Variants in CSMD3 observed in about 807,000 individuals in gnomAD.
CSMD3 encodes CUB and Sushi multiple domains 3.
CSMD3 carries 177 observed loss-of-function variants against 435.2 expected under a neutral mutation model. The ratio of observed to expected loss-of-function variants is 0.41; its 90% CI spans 0.36 to 0.46. The LOEUF is 0.46. CSMD3 is among the 20% of genes least tolerant of loss of function. The pLI is 0.34. For synonymous variants in CSMD3, 1,656 were observed against 1,520.5 expected, an observed-to-expected ratio of 1.09 and a Z score of -2.07; for missense variants, 4,265 against 4,504.6, an observed-to-expected ratio of 0.95 and a Z score of 1.52.
At chr8:112,825,649 C>T (rs546820292) in intron 12 of CSMD3, among the ~76,000 whole-genome samples, 1 of 152,138 alleles carries the variant, frequency 6.6e-6, no homozygotes, top group African/African-American at 2.4e-5. Context: ...CTGGTTCACT[C>T]CGGCACCTGG....
intron 22 of CSMD3, among the ~76,000 whole-genome samples, chr8:112,596,176 C>A (rs1219055684): frequency 6.6e-6 from 1 of 151,182 alleles, no homozygotes; most frequent in African/African-American, 2.4e-5. Flanking sequence ...GGAAGATCTA[C>A]CAAGCAATTG....
intron 4 of CSMD3, among the ~76,000 whole-genome samples, chr8:113,104,424 G>A (rs1442273145): frequency 2.6e-5 from 4 of 152,014 alleles, no homozygotes; most frequent in Non-Finnish European, 2.9e-5. Context: ...ATATTACACT[G>A]TCATTAATTA....
At chr8:112,357,035 T>C (rs1826687576) in intron 38 of CSMD3, among the ~76,000 whole-genome samples, 1 of 151,960 alleles carries the variant, frequency 6.6e-6, no homozygotes, top group African/African-American at 2.4e-5. Flanking sequence ...CTGACAGAAG[T>C]TGGAACAGTT....
intron 25 of CSMD3, 46 bp from the exon 26 acceptor site, chr8:112,552,766 T>C (rs1325244926): frequency 6.4e-7 from 1 of 1,570,412 alleles, no homozygotes; most frequent in South Asian, 1.1e-5. Context: ...AATGCCAATC[T>C]TTTCAAAACA....
chr8:112,573,721 T>G (rs1586713678), intron 23 of CSMD3, 64 bp from the exon 24 acceptor site: 1 of 1,285,466 alleles, frequency 7.8e-7, no homozygotes, highest in East Asian at 2.5e-5. Context: ...GAGCATGTAT[T>G]TGTATCTATG....
At chr8:112,470,854 T>A (rs1341176884) in intron 32 of CSMD3, among the ~76,000 whole-genome samples, 1 of 151,942 alleles carries the variant, frequency 6.6e-6, no homozygotes, top group Non-Finnish European at 1.5e-5. Context: ...ATAAAATTAG[T>A]TTTTTACTAA....
intron 10 of CSMD3, among the ~76,000 whole-genome samples, chr8:112,886,043 C>T (rs901657500): frequency 6.6e-6 from 1 of 151,606 alleles, no homozygotes; most frequent in Non-Finnish European, 1.5e-5. Flanking sequence ...AGTAAATATT[C>T]TATATTACCC....
intron 13 of CSMD3, among the ~76,000 whole-genome samples, chr8:112,752,998 T>A (rs1207568979): frequency 6.6e-6 from 1 of 151,892 alleles, no homozygotes; most frequent in Non-Finnish European, 1.5e-5. Flanking sequence ...CAGTCATGGC[T>A]CACTGTAACC....
intron 40 of CSMD3, among the ~76,000 whole-genome samples, chr8:112,347,317 T>C (rs910002477): frequency 1.3e-5 from 2 of 152,200 alleles, no homozygotes; most frequent in Non-Finnish European, 2.9e-5. Flanking sequence ...TATCATTTTA[T>C]TGTTAGATGA....
chr8:112,469,051 C>T (rs190965381), intron 32 of CSMD3, among the ~76,000 whole-genome samples: 10 of 148,572 alleles, frequency 6.7e-5, no homozygotes, highest in African/African-American at 2.2e-4. Flanking sequence ...ACCAGTAAAG[C>T]GAAGTAATAT....
intron 8 of CSMD3, among the ~76,000 whole-genome samples, chr8:112,948,110 TG>T (rs201821295): frequency 1.2e-4 from 3 of 24,054 alleles, no homozygotes; most frequent in Non-Finnish European, 1.7e-4. Flanking sequence ...GTATTAGTCT[TG>T]CCTATTAACA....
At chr8:113,121,575 C>T (rs1167557985) in intron 4 of CSMD3, among the ~76,000 whole-genome samples, 1 of 152,016 alleles carries the variant, frequency 6.6e-6, no homozygotes, top group African/African-American at 2.4e-5. Flanking sequence ...TGAGCTCTAA[C>T]CTCAAAATAC....
At chr8:112,363,079 C>A (rs1036150559) in intron 38 of CSMD3, among the ~76,000 whole-genome samples, 2 of 151,954 alleles carry the variant, frequency 1.3e-5, no homozygotes, top group Non-Finnish European at 2.9e-5. Context: ...AAGACCACAA[C>A]CTTTTGTGTG....
At chr8:112,947,520 T>G (rs1587734680) in intron 9 of CSMD3, among the ~76,000 whole-genome samples, 1 of 151,830 alleles carries the variant, frequency 6.6e-6, no homozygotes, top group Non-Finnish European at 1.5e-5. Context: ...AACTCAAAGT[T>G]ATGTCTTTAA....
intron 23 of CSMD3, among the ~76,000 whole-genome samples, chr8:112,576,400 C>T (rs1332718428): frequency 6.6e-6 from 1 of 151,840 alleles, no homozygotes; most frequent in Non-Finnish European, 1.5e-5. Context: ...TTGTTAGGTG[C>T]TGTAACTAAA....
At chr8:112,259,334 A>T (rs537049840) in intron 61 of CSMD3, among the ~76,000 whole-genome samples, 79 of 152,234 alleles carry the variant, frequency 5.2e-4, no homozygotes, top group Non-Finnish European at 8.5e-4. Context: ...GCAAACTAAC[A>T]CAAGAACAGA....
intron 15 of CSMD3, 112 bp downstream of exon 15, chr8:112,685,294 C>T: frequency 2.4e-6 from 2 of 829,444 alleles, no homozygotes; most frequent in South Asian, 3.3e-5. Flanking sequence ...AGATTTACAG[C>T]TTTTACAAAT....
intron 31 of CSMD3, among the ~76,000 whole-genome samples, chr8:112,486,749 A>G (rs1261619538): frequency 6.6e-6 from 1 of 152,126 alleles, no homozygotes; most frequent in Admixed American, 6.6e-5. Context: ...TCTTCACAGC[A>G]AGATCAGATG....
At chr8:112,257,553 A>G (rs1416951080) in intron 61 of CSMD3, among the ~76,000 whole-genome samples, 1 of 152,188 alleles carries the variant, frequency 6.6e-6, no homozygotes. Context: ...ACAACATAAT[A>G]CCTAGGAATA....
Sources: gnomAD v4.1 joint callset for allele counts (sites outside exome capture counted in the v4.1 genomes callset) on GRCh38, gnomAD v4.1.1 for gene constraint, MANE v1.5 for transcripts, NCBI Gene and HGNC (gene_info 2026-07-23, HGNC 2026-07-21) for gene names.